CCDC3: variants seen among roughly 807,000 people sequenced by gnomAD.
CCDC3 encodes coiled-coil domain-containing protein 3.
Under a neutral mutation model 21.4 loss-of-function variants are expected in CCDC3, and 24 were observed. That is an observed-to-expected ratio of 1.12 (90% CI 0.81 to 1.58). The LOEUF (loss-of-function observed/expected upper bound fraction) is 1.58, where lower values mean the gene tolerates loss of function less well. Ranked by LOEUF, CCDC3 falls within the 40% of genes most tolerant of loss-of-function variation. CCDC3 has a pLI of 0.00. For synonymous variants in CCDC3, 186 were observed against 166.0 expected, an observed-to-expected ratio of 1.12 and a Z score of -0.93; for missense variants, 425 against 360.9, an observed-to-expected ratio of 1.18 and a Z score of -1.44.
chr10:12,946,788 C>T (rs1229199889), intron 2 of CCDC3, among the ~76,000 whole-genome samples: 8 of 152,082 alleles, frequency 5.3e-5, no homozygotes, highest in African/African-American at 1.9e-4. Context: ...CTGCCTTTTC[C>T]CTCCTTTAAT....
intron 4 of CCDC3, among the ~76,000 whole-genome samples, chr10:13,055,656 T>C (rs776738747): frequency 1.3e-5 from 2 of 151,682 alleles, no homozygotes; most frequent in Non-Finnish European, 2.9e-5. Flanking sequence ...GGTGAGAAAT[T>C]GTTGGTGGCT....
At chr10:13,039,111 A>T (rs940231295) in intron 5 of CCDC3, among the ~76,000 whole-genome samples, 4 of 152,180 alleles carry the variant, frequency 2.6e-5, no homozygotes, top group Non-Finnish European at 5.9e-5. Context: ...TCATCTATCC[A>T]TCCCTCTTCT....
intron 2 of CCDC3, among the ~76,000 whole-genome samples, chr10:12,907,098 G>T (rs1015883668): frequency 3.3e-5 from 5 of 152,142 alleles, no homozygotes; most frequent in African/African-American, 9.7e-5. Flanking sequence ...ATCGCATGGG[G>T]CTCTAACTGT....
intron 4 of CCDC3, among the ~76,000 whole-genome samples, chr10:13,068,479 A>C (rs1836847243): frequency 6.6e-6 from 1 of 152,320 alleles, no homozygotes; most frequent in Non-Finnish European, 1.5e-5. Flanking sequence ...TCGAGGAATA[A>C]AAGCAGCCTT....
At chr10:12,938,409 C>A (rs79469238) in intron 2 of CCDC3, among the ~76,000 whole-genome samples, 2,397 of 152,336 alleles carry the variant, frequency 0.016, 65 homozygotes, top group African/African-American at 0.054. Context: ...CAGCTACTTT[C>A]TCCTGTGGCT....
chr10:13,032,416 A>G (rs574589311), intron 5 of CCDC3, among the ~76,000 whole-genome samples: 6 of 152,150 alleles, frequency 3.9e-5, no homozygotes, highest in African/African-American at 1.4e-4. Context: ...AAGCATTCCC[A>G]TTGAAAACTG....
At chr10:12,987,276 A>G (rs1409745149) in intron 2 of CCDC3, among the ~76,000 whole-genome samples, 1 of 152,150 alleles carries the variant, frequency 6.6e-6, no homozygotes, top group South Asian at 2.1e-4. Flanking sequence ...TAATTCTTCC[A>G]CTACATTCTC....
chr10:12,989,974 C>T (rs971501934), intron 2 of CCDC3, among the ~76,000 whole-genome samples: 9 of 151,966 alleles, frequency 5.9e-5, no homozygotes, highest in African/African-American at 9.7e-5. Context: ...TTCACTGGGC[C>T]GGGCACAGTG....
At chr10:12,939,146 A>G (rs769342763) in intron 2 of CCDC3, among the ~76,000 whole-genome samples, 17 of 151,810 alleles carry the variant, frequency 1.1e-4, no homozygotes, top group Admixed American at 3.9e-4. Flanking sequence ...ACGCTTTCCT[A>G]TCACTTCCGC....
chr10:13,016,899 A>ATATT (rs1836069736), intron 5 of CCDC3, among the ~76,000 whole-genome samples: 1 of 152,028 alleles, frequency 6.6e-6, no homozygotes, highest in Admixed American at 6.6e-5. Context: ...GTGGGGACTA[A>ATATT]TATTTAGCCC....
At chr10:13,057,605 C>T (rs572871625) in intron 4 of CCDC3, among the ~76,000 whole-genome samples, 6 of 151,872 alleles carry the variant, frequency 4.0e-5, no homozygotes, top group African/African-American at 9.7e-5. Context: ...TTTGACCGGG[C>T]GCGGGGGCTC....
At chr10:13,077,136 T>C (rs1461537466) in intron 3 of CCDC3, among the ~76,000 whole-genome samples, 1 of 152,210 alleles carries the variant, frequency 6.6e-6, no homozygotes, top group East Asian at 1.9e-4. Context: ...AAAATCTCCT[T>C]AAGCTGATAA....
chr10:12,911,345 C>T (rs1458449104), intron 2 of CCDC3, among the ~76,000 whole-genome samples: 1 of 152,228 alleles, frequency 6.6e-6, no homozygotes, highest in African/African-American at 2.4e-5. Flanking sequence ...CTGTGCCTGA[C>T]ACACAGTAAG....
chr10:12,960,638 A>C (rs1393866155), intron 2 of CCDC3, among the ~76,000 whole-genome samples: 1 of 152,176 alleles, frequency 6.6e-6, no homozygotes, highest in African/African-American at 2.4e-5. Flanking sequence ...GAAACAAAAC[A>C]CGAGGTGGGG....
chr10:12,950,923 C>T (rs1418804838), intron 2 of CCDC3, among the ~76,000 whole-genome samples: 1 of 152,176 alleles, frequency 6.6e-6, no homozygotes, highest in Non-Finnish European at 1.5e-5. Context: ...CAGCCTAGGT[C>T]ACCTTGAGAG....
chr10:12,981,698 G>T (rs1215412283), intron 2 of CCDC3, among the ~76,000 whole-genome samples: 1 of 152,190 alleles, frequency 6.6e-6, no homozygotes, highest in Non-Finnish European at 1.5e-5. Flanking sequence ...GGGCATCTAT[G>T]AAGTAGTCCA....
At chr10:13,020,889 AC>A (rs1476998791) in intron 5 of CCDC3, among the ~76,000 whole-genome samples, 2 of 152,254 alleles carry the variant, frequency 1.3e-5, no homozygotes, top group African/African-American at 4.8e-5. Flanking sequence ...AAAATTAAAA[AC>A]AATAATGAAT....
At chr10:13,064,505 C>A (rs549668748) in intron 4 of CCDC3, among the ~76,000 whole-genome samples, 3 of 152,082 alleles carry the variant, frequency 2.0e-5, no homozygotes, top group Non-Finnish European at 4.4e-5. Flanking sequence ...CGACATGTGC[C>A]CAAGGTGGTC....
chr10:12,966,437 C>A (rs1835263974), intron 2 of CCDC3, among the ~76,000 whole-genome samples: 1 of 152,058 alleles, frequency 6.6e-6, no homozygotes. Context: ...CTCCCCAGAC[C>A]CTCACACCCC....
Sources: gnomAD v4.1 joint callset for allele counts (sites outside exome capture counted in the v4.1 genomes callset) on GRCh38, gnomAD v4.1.1 for gene constraint, MANE v1.5 for transcripts, NCBI Gene and HGNC (gene_info 2026-07-23, HGNC 2026-07-21) for gene names.